SBNO2: variants seen among roughly 807,000 people sequenced by gnomAD.
SBNO2 encodes the protein strawberry notch homolog 2, also known as protein strawberry notch homolog 2.
In SBNO2, 89 loss-of-function variants were observed where a neutral mutation model predicts 146.3. The ratio of observed to expected loss-of-function variants is 0.61; its 90% CI spans 0.51 to 0.73. The LOEUF is 0.73. SBNO2 is among the 30% of genes least tolerant of loss of function. The pLI is 0.00. For synonymous variants in SBNO2, 1,147 were observed against 892.6 expected (o/e 1.29, Z -5.08); for missense variants, 2,092 against 2,003.7 (o/e 1.04, Z -0.84).
At chr19:1,156,887 C>A (rs1261928562) in intron 1 of SBNO2, among the ~76,000 whole-genome samples, 4 of 71,400 alleles carry the variant, frequency 5.6e-5, no homozygotes, top group African/African-American at 1.4e-4. Context: ...ACACTTCAGG[C>A]TGTGCCCACT....
chr19:1,116,237 G>C, intron 16 of SBNO2, 134 bp from the exon 17 acceptor site: 2 of 724,316 alleles, frequency 2.8e-6, no homozygotes, highest in South Asian at 3.6e-5. Context: ...AGGGTCTCCT[G>C]TGTGGAGTGG....
At position 1,154,344 on chromosome 19, in the gene SBNO2, C is replaced by A. The variant is rs764091444; in HGVS notation, c.-68G>T. 1.1e-6 allele frequency: 1 copy of A among 887,744 alleles called. No individual in the cohort carries two copies. Among genetic ancestry groups the A allele is most frequent in the East Asian group, 3.3e-5 (1 of 29,884 alleles). 55.0% of individuals were successfully genotyped at this position (887,744 alleles called of 1,614,324 possible). ...GCGGGACTCCAGGACCCGGGGCCGC[C>A]GGGGCGTCTATCTGGGCTTCTCGCT... On this transcript the variant is annotated 5_prime_UTR_variant, in exon 2 of 32. Transcript: ENST00000361757.
In SBNO2 at chr19:1,158,653, C is replaced by T. The variant is rs963566604; in HGVS notation, c.-126-4251G>A. On this transcript the variant is annotated intron_variant, in intron 1 of 31. Transcript: ENST00000361757. This position sits in a 1 kb window ranked among gnomAD's most constrained non-coding sequence, Gnocchi z 9.9. ...CGAGGCCCGGGCGAGCGGGCGCGAC[C>T]GTGGTGATGGAGCCCGGCAGAGGCC... Among the ~76,000 whole-genome samples the T allele has an allele frequency of 6.6e-6, 1 of 152,172 alleles. No individual in the cohort carries two copies. The highest frequency in any genetic ancestry group is 1.5e-5 in the Non-Finnish European group (1 of 68,026).
At chr19:1,119,279 GGCGGCC>G in intron 13 of SBNO2, 115 bp from the exon 14 acceptor site, 1 of 1,295,780 alleles carries the variant, frequency 7.7e-7, no homozygotes, top group East Asian at 2.5e-5. Flanking sequence ...GCAGAGCCCT[GGCGGCC>G]ACTGAGGCAG....
intron 4 of SBNO2, chr19:1,128,198 G>T (rs1275915108): frequency 1.0e-5 from 5 of 495,136 alleles, no homozygotes; most frequent in Non-Finnish European, 2.0e-5. Context: ...GGCCACGCAG[G>T]ACGGCGTCTG....
chr19:1,147,431 ATGGGGGG>A lies in SBNO2; in HGVS notation c.168-18_168-12del. On this transcript the variant is annotated splice_polypyrimidine_tract_variant and intron_variant, in intron 3 of 31. Transcript: ENST00000361757. ...GAGCTCATGAACGGGCTGGAGGGAG[ATGGGGGG>A]GGGGGAGGTGAGATGGGGTGCTCAA... The A allele has an allele frequency of 1.7e-5, 10 of 591,008 alleles. No homozygotes were observed. Among genetic ancestry groups the A allele is most frequent in the Middle Eastern group, 5.0e-4 (1 of 2,010 alleles). 36.6% of individuals were successfully genotyped at this position (591,008 alleles called of 1,614,324 possible). A position where few individuals can be genotyped will look rare whatever the true frequency, so the allele number is the denominator to read the frequency against.
At chr19:1,142,149 C>A (rs56306156) in intron 4 of SBNO2, among the ~76,000 whole-genome samples, 363 of 2,020 alleles carry the variant, frequency 0.18, no homozygotes, top group East Asian at 0.3. Context: ...TCCCTCCCCA[C>A]GATCAATCCT....
At chr19:1,111,962 GC>G (rs2079767178) in intron 23 of SBNO2, 33 bp downstream of exon 23, 2 of 1,505,346 alleles carry the variant, frequency 1.3e-6, no homozygotes, top group East Asian at 4.6e-5. Context: ...CCCTGCCCCT[GC>G]CCCGCCCCCC....
intron 4 of SBNO2, among the ~76,000 whole-genome samples, chr19:1,138,550 TG>T (rs2145273012): frequency 6.6e-6 from 1 of 152,144 alleles, no homozygotes; most frequent in African/African-American, 2.4e-5. Context: ...ACGTGTCCAC[TG>T]GGAAGTTTGC....
intron 12 of SBNO2, 138 bp downstream of exon 12, chr19:1,119,768 C>T (rs575161300): frequency 3.9e-5 from 37 of 941,038 alleles, no homozygotes; most frequent in Non-Finnish European, 4.6e-5. Context: ...TTGGGACAGG[C>T]GCAGAGGTGC....
rs1369631773 is a variant in SBNO2, at chr19:1,110,544, C to T, written c.3028+201G>A. ...GCTCACCCACAATGCACGGTGTTCC[C>T]ACGAGCCCCGAGCCCACCTGGGATG... On this transcript the variant is annotated intron_variant, in intron 26 of 31. Coordinates refer to ENST00000361757, the MANE Select transcript of SBNO2 (RefSeq NM_014963.3). This position sits in a 1 kb window ranked among gnomAD's most constrained non-coding sequence, Gnocchi z 4.9. 1.4e-5 allele frequency among the ~76,000 whole-genome samples: 2 copies of T among 139,366 alleles called. No individual in the cohort carries two copies. Among genetic ancestry groups the T allele is most frequent in the Non-Finnish European group, 3.3e-5 (2 of 60,940 alleles). The allele number at this position is 139,366 out of a possible 152,430, so 91.4% of individuals were successfully genotyped here.
chr19:1,171,235 C>T (rs1030864205), intron 1 of SBNO2, among the ~76,000 whole-genome samples: 1 of 152,008 alleles, frequency 6.6e-6, no homozygotes, highest in African/African-American at 2.4e-5. Flanking sequence ...ACACACACAA[C>T]GCACCCACAT....
chr19:1,111,202 C>G, intron 24 of SBNO2, 109 bp from the exon 25 acceptor site: 1 of 1,297,212 alleles, frequency 7.7e-7, no homozygotes, highest in South Asian at 1.4e-5. Flanking sequence ...TGGGGAGCAG[C>G]TGCAGCCTAG....
At chr19:1,116,730 T>G in intron 16 of SBNO2, 99 bp downstream of exon 16, 1 of 1,072,510 alleles carries the variant, frequency 9.3e-7, no homozygotes, top group Non-Finnish European at 1.3e-6. Flanking sequence ...CACCTCCTGC[T>G]GCTGGGGCCA....
intron 4 of SBNO2, among the ~76,000 whole-genome samples, chr19:1,141,096 C>G (rs1401529111): frequency 2.7e-5 from 4 of 147,300 alleles, no homozygotes; most frequent in African/African-American, 7.6e-5. Context: ...CCGGAGAAGA[C>G]GCGCCCCGGA....
intron 14 of SBNO2, among the ~76,000 whole-genome samples, chr19:1,117,792 G>A (rs1019095057): frequency 4.6e-5 from 7 of 152,244 alleles, no homozygotes; most frequent in African/African-American, 9.6e-5. Context: ...TCGCAGCCAC[G>A]CCTCTCTTGC....
chr19:1,125,745 G>A (rs2079958143), intron 5 of SBNO2, among the ~76,000 whole-genome samples: 2 of 152,056 alleles, frequency 1.3e-5, no homozygotes, highest in African/African-American at 2.4e-5. Flanking sequence ...GCTCAGGCCT[G>A]TGGGAGGCAG....
intron 4 of SBNO2, among the ~76,000 whole-genome samples, chr19:1,131,082 T>G (rs1437666297): frequency 6.6e-6 from 1 of 152,122 alleles, no homozygotes; most frequent in African/African-American, 2.4e-5. Context: ...CACATCTGGA[T>G]TTGACTCCTA....
At chr19:1,170,016 C>T (rs1436634076) in intron 1 of SBNO2, among the ~76,000 whole-genome samples, 1 of 152,216 alleles carries the variant, frequency 6.6e-6, no homozygotes, top group Non-Finnish European at 1.5e-5. Flanking sequence ...GTCTACCCCC[C>T]ATCTGTGGAC....
Sources: gnomAD v4.1 joint callset for allele counts (sites outside exome capture counted in the v4.1 genomes callset) on GRCh38, gnomAD v4.1.1 for gene constraint, Gnocchi (gnomAD v3.1) non-coding constraint, MANE v1.5 for transcripts, NCBI Gene and HGNC (gene_info 2026-07-23, HGNC 2026-07-21) for gene names.